PLEKHG1: variants seen among roughly 807,000 people sequenced by gnomAD.
PLEKHG1 encodes pleckstrin homology and RhoGEF domain containing G1, also known as pleckstrin homology domain-containing family G member 1.
In PLEKHG1, 44 loss-of-function variants were observed where a neutral mutation model predicts 100.8. That is an observed-to-expected ratio of 0.44 (90% confidence interval 0.34 to 0.56). The LOEUF is 0.56. Ranked by LOEUF, PLEKHG1 falls within the 20% of genes least tolerant of loss-of-function variation. The pLI is 0.01. For synonymous variants in PLEKHG1, 640 were observed against 662.5 expected (o/e 0.97, Z 0.52); for missense variants, 1,545 against 1,720.9 (o/e 0.90, Z 1.81).
intron 1 of PLEKHG1, among the ~76,000 whole-genome samples, chr6:150,723,302 A>G (rs1781795808): frequency 6.6e-6 from 1 of 152,234 alleles, no homozygotes; most frequent in Non-Finnish European, 1.5e-5. Context: ...GTATTAGGAC[A>G]TAATTTAATT....
At chr6:150,821,967 G>A (rs1374533083) in intron 13 of PLEKHG1, among the ~76,000 whole-genome samples, 3 of 149,968 alleles carry the variant, frequency 2.0e-5, no homozygotes, top group Non-Finnish European at 3.0e-5. Flanking sequence ...TCAGCCTCCC[G>A]AGTAGCTGGG....
At chr6:150,706,468 G>A (rs1781009686) in intron 3 of PLEKHG1, among the ~76,000 whole-genome samples, 1 of 131,044 alleles carries the variant, frequency 7.6e-6, no homozygotes, top group African/African-American at 2.5e-5. Context: ...TAAAAAATTA[G>A]CCAGGCATGG....
intron 15 of PLEKHG1, among the ~76,000 whole-genome samples, chr6:150,838,178 G>T (rs1777328392): frequency 6.6e-6 from 1 of 152,176 alleles, no homozygotes; most frequent in Non-Finnish European, 1.5e-5. Context: ...CATTAAAAAT[G>T]TAAATAGCTT....
chr6:150,613,885 C>T (rs144390541), intron 1 of PLEKHG1, among the ~76,000 whole-genome samples: 2 of 152,270 alleles, frequency 1.3e-5, no homozygotes, highest in East Asian at 1.9e-4. Context: ...CGTTTTTTCT[C>T]GTTTATCCAA....
At chr6:150,732,259 G>C (rs544731198) in intron 1 of PLEKHG1, among the ~76,000 whole-genome samples, 1 of 152,172 alleles carries the variant, frequency 6.6e-6, no homozygotes, top group South Asian at 2.1e-4. Context: ...TTATAATTTA[G>C]TTCCTATATG....
At chr6:150,778,353 C>T (rs77156084) in intron 3 of PLEKHG1, among the ~76,000 whole-genome samples, 7,541 of 152,240 alleles carry the variant, frequency 0.05, 382 homozygotes, top group East Asian at 0.23. Flanking sequence ...GTCTCAAACT[C>T]CTGGCCTCAG....
At chr6:150,619,872 G>A (rs553505420) in intron 1 of PLEKHG1, among the ~76,000 whole-genome samples, 2 of 152,330 alleles carry the variant, frequency 1.3e-5, no homozygotes, top group African/African-American at 2.4e-5. Context: ...TTTTGGCTGA[G>A]ATGACAGGTC....
At chr6:150,827,874 A>G in intron 14 of PLEKHG1, 8 of 1,477,070 alleles carry the variant, frequency 5.4e-6, no homozygotes, top group South Asian at 1.1e-5. Context: ...TGAATGTGCT[A>G]TTGAAATGTA....
In PLEKHG1 at chr6:150,684,822, GC is replaced by G. The variant is rs573261539; in HGVS notation, c.-99+34037del. 7.0e-4 allele frequency among the ~76,000 whole-genome samples: 106 copies of G among 152,214 alleles called. 1 individual carries two copies. Among genetic ancestry groups the G allele is most frequent in the African/African-American group, 2.5e-3 (104 of 41,528 alleles). On this transcript the variant is annotated intron_variant, in intron 3 of 3. Coordinates refer to the PLEKHG1 transcript ENST00000367326. ...GGGATGGGGGGAAATGACTTCATGG[GC>G]TTGCTGTTGAGCTGCTTCCCTTTGC...
At chr6:150,612,837 C>A (rs74378006) in intron 1 of PLEKHG1, among the ~76,000 whole-genome samples, 14 of 152,168 alleles carry the variant, frequency 9.2e-5, no homozygotes, top group Non-Finnish European at 2.1e-4. Flanking sequence ...TTGATCCATG[C>A]TCCCTCTTGG....
At chr6:150,607,733 C>A (rs1056036028) in intron 1 of PLEKHG1, among the ~76,000 whole-genome samples, 2 of 152,096 alleles carry the variant, frequency 1.3e-5, no homozygotes, top group African/African-American at 4.8e-5. Context: ...CCTTTCCCAA[C>A]ATGTGTGAGA....
Position 150,809,641 on chromosome 6 carries a change from T to C in PLEKHG1, c.1192-7T>C. The stretch of plus-strand genomic sequence containing the variant: ...GTTGTCTGACTGTCTACATCTCGTC[T>C]TGGCAGGCCAAATCCCAGCAAGACA... On this transcript the variant is annotated splice_polypyrimidine_tract_variant and splice_region_variant and intron_variant, in intron 9 of 15. Transcript: ENST00000358517. 11 of 1,613,332 alleles carry C rather than the reference T, an allele frequency of 6.8e-6. No homozygotes were observed. Among genetic ancestry groups the C allele is most frequent in the Non-Finnish European group, 8.5e-6 (10 of 1,179,344 alleles).
chr6:150,704,645 ATGT>A (rs1399240824), intron 3 of PLEKHG1, among the ~76,000 whole-genome samples: 1 of 152,218 alleles, frequency 6.6e-6, no homozygotes, highest in Non-Finnish European at 1.5e-5. Context: ...GAAAATTCTG[ATGT>A]TGTGCTCTTG....
chr6:150,778,952 T>A (rs1168432771), intron 3 of PLEKHG1, among the ~76,000 whole-genome samples: 1 of 152,140 alleles, frequency 6.6e-6, no homozygotes, highest in Non-Finnish European at 1.5e-5. Flanking sequence ...CAGTGTGGAG[T>A]CTGGCCCTCA....
chr6:150,725,607 T>C (rs1781922199), intron 1 of PLEKHG1, among the ~76,000 whole-genome samples: 1 of 152,226 alleles, frequency 6.6e-6, no homozygotes. Context: ...CCTTGCTCAG[T>C]TGATGATTTC....
intron 5 of PLEKHG1, among the ~76,000 whole-genome samples, chr6:150,798,519 G>A (rs1031208228): frequency 2.0e-5 from 3 of 152,178 alleles, no homozygotes; most frequent in Non-Finnish European, 4.4e-5. Context: ...ACATTTTTAA[G>A]AGCTGGTCAT....
At chr6:150,702,730 A>G (rs915113070) in intron 3 of PLEKHG1, among the ~76,000 whole-genome samples, 7 of 152,210 alleles carry the variant, frequency 4.6e-5, no homozygotes, top group African/African-American at 1.7e-4. Context: ...TGGGGAAATA[A>G]TAACCCCGAA....
chr6:150,715,976 C>T (rs1203210317), intron 3 of PLEKHG1, among the ~76,000 whole-genome samples: 3 of 148,572 alleles, frequency 2.0e-5, no homozygotes, highest in South Asian at 4.2e-4. Context: ...GGCGTGGTGG[C>T]GGGCGCCTGT....
chr6:150,669,940 G>A (rs1383196804), intron 3 of PLEKHG1, among the ~76,000 whole-genome samples: 1 of 152,074 alleles, frequency 6.6e-6, no homozygotes, highest in East Asian at 1.9e-4. Context: ...TACCAAAAAT[G>A]CTCTTCATGT....
Sources: allele counts gnomAD v4.1 joint callset (sites outside exome capture counted in the v4.1 genomes callset), GRCh38; gene constraint gnomAD v4.1.1; transcripts MANE v1.5; gene names NCBI Gene and HGNC (gene_info 2026-07-23, HGNC 2026-07-21).